Variants in EHBP1 observed in about 807,000 individuals in gnomAD.
The protein encoded by EHBP1 is EH domain binding protein 1.
EHBP1 carries 55 observed loss-of-function variants against 144.0 expected under a neutral mutation model. The observed-to-expected ratio is 0.38, with a 90% confidence interval of 0.31 to 0.48. EHBP1 has a LOEUF of 0.48. Ranked by LOEUF, EHBP1 falls within the 20% of genes least tolerant of loss-of-function variation. The pLI, the probability that EHBP1 is intolerant of heterozygous loss-of-function variation, is 0.98. For synonymous variants in EHBP1, 469 were observed against 472.7 expected (o/e 0.99, Z 0.10); for missense variants, 1,200 against 1,364.2 (o/e 0.88, Z 1.90).
Position 62,894,393 on chromosome 2 carries a change from G to GGA in EHBP1, c.1185+19877_1185+19878dup, listed in dbSNP as rs150548461. ...AGGTTAGAAATAGGAATAGGAAGAG[G>GGA]GAGAGAGAGAGAGAGAGTGAATGTG... On this transcript the variant is annotated intron_variant, in intron 10 of 22. Transcript: ENST00000431489. Among the ~76,000 whole-genome samples, 36 of 151,228 alleles carry GGA rather than the reference G, an allele frequency of 2.4e-4. No homozygotes were observed. The East Asian group carries it at 4.7e-3, about 20-fold the overall frequency.
At chr2:62,743,494 C>G (rs1319608522) in intron 2 of EHBP1, among the ~76,000 whole-genome samples, 1 of 152,086 alleles carries the variant, frequency 6.6e-6, no homozygotes, top group African/African-American at 2.4e-5. Flanking sequence ...TTTCTTTCAT[C>G]CTTGTATCTC....
intron 15 of EHBP1, among the ~76,000 whole-genome samples, chr2:62,986,587 C>T (rs893264784): frequency 9.2e-5 from 14 of 151,774 alleles, no homozygotes; most frequent in Non-Finnish European, 1.9e-4. Flanking sequence ...TACAGGCGCA[C>T]ACCACCACAC....
At chr2:62,703,795 A>C (rs2034348549), upstream of EHBP1, among the ~76,000 whole-genome samples, 1 of 152,208 alleles carries the variant, frequency 6.6e-6, no homozygotes, top group Non-Finnish European at 1.5e-5. Flanking sequence ...ATTACTTTTA[A>C]GGGAATTTCT....
At chr2:62,996,209 A>T (rs2059619782) in intron 18 of EHBP1, among the ~76,000 whole-genome samples, 1 of 152,070 alleles carries the variant, frequency 6.6e-6, no homozygotes, top group Admixed American at 6.6e-5. Flanking sequence ...CTCAGGTTGG[A>T]TACTTTCATG....
At chr2:62,726,726 A>G (rs953483327) in intron 2 of EHBP1, 18 of 152,222 alleles carry the variant, frequency 1.2e-4, no homozygotes, top group Non-Finnish European at 2.5e-4. Flanking sequence ...CGATTGAGAT[A>G]ACTCACTACC....
At chr2:62,981,327 T>C (rs530270187) in intron 15 of EHBP1, among the ~76,000 whole-genome samples, 1 of 152,290 alleles carries the variant, frequency 6.6e-6, no homozygotes, top group African/African-American at 2.4e-5. Flanking sequence ...CCTCCTTATA[T>C]CTTTGAGTCA....
At chr2:62,890,405 C>G (rs1383033486) in intron 10 of EHBP1, among the ~76,000 whole-genome samples, 3 of 152,098 alleles carry the variant, frequency 2.0e-5, no homozygotes, top group East Asian at 3.8e-4. Context: ...TGTATCATCT[C>G]TGATTTCTTT....
chr2:62,841,733 T>A (rs1481962311), intron 7 of EHBP1, among the ~76,000 whole-genome samples: 1 of 152,190 alleles, frequency 6.6e-6, no homozygotes, highest in Non-Finnish European at 1.5e-5. Context: ...TTTTGGCTTC[T>A]TTTCTTTTTT....
At chr2:62,928,953 G>A (rs1183422540) in intron 10 of EHBP1, among the ~76,000 whole-genome samples, 2 of 151,832 alleles carry the variant, frequency 1.3e-5, no homozygotes, top group African/African-American at 4.8e-5. Flanking sequence ...AAAGTACTAA[G>A]TAATTCTACA....
At chr2:62,902,812 T>C (rs1423574588) in intron 10 of EHBP1, among the ~76,000 whole-genome samples, 1 of 152,234 alleles carries the variant, frequency 6.6e-6, no homozygotes, top group Non-Finnish European at 1.5e-5. Flanking sequence ...ATAAATCACT[T>C]TACTTCATTA....
rs896576865 is a variant in EHBP1, at chr2:62,803,437, C to T, written c.313-22650C>T. Reference sequence around the variant, plus strand: ...AAATGCCTGTTTTTCACACCCTCAGCGATGCTAGCTATTACCACATTTCTT... The same window carrying T: ...AAATGCCTGTTTTTCACACCCTCAGTGATGCTAGCTATTACCACATTTCTT... On this transcript the variant is annotated intron_variant, in intron 5 of 22. Transcript: ENST00000431489. Among the ~76,000 whole-genome samples the T allele has an allele frequency of 3.3e-5, 5 of 152,254 alleles. No homozygotes were observed. The South Asian group carries it at 6.2e-4, about 19-fold the overall frequency.
rs1442188612 is a variant in EHBP1 at position 62,756,086 on chromosome 2, C to T, written c.163-8180C>T. 6.9e-4 allele frequency among the ~76,000 whole-genome samples: 103 copies of T among 148,266 alleles called. 1 individual carries two copies. Among genetic ancestry groups the T allele is most frequent in the Admixed American group, 6.5e-3 (96 of 14,736 alleles). On this transcript the variant is annotated intron_variant, in intron 3 of 22. Transcript: ENST00000431489. ...TCCAAGAGTTTGAGACCGGCATGGG[C>T]GACATGGTGAAACCCCCTCTCTACA...
Position 62,993,872 on chromosome 2 carries a change from G to C in EHBP1, c.2874G>C (p.Glu958Asp). Residue 958 changes from glutamate to aspartate, a missense_variant and splice_region_variant, in exon 18 of 23, where the codon GAG (glutamate) becomes GAC (aspartate). Physicochemically the swap from Glu to Asp is conservative, Grantham distance 45. This residue lies in a region of EHBP1 where 543 missense variants were observed against 513.1 expected (regional missense o/e 1.06). Transcript: ENST00000431489. ...SFSQYIENRP[E>D]MKRQRSIQED... ...TGTCTTTCCTCTTTTTTTTTTAAGA[G>C]ATGAAAAGGCAGAGATCAATACAGG... The C allele has an allele frequency of 6.5e-7, 1 of 1,526,730 alleles. No individual in the cohort carries two copies. Among genetic ancestry groups the C allele is most frequent in the Non-Finnish European group, 8.8e-7 (1 of 1,138,854 alleles). 94.6% of individuals were successfully genotyped at this position (1,526,730 alleles called of 1,614,324 possible). A position where few individuals can be genotyped will look rare whatever the true frequency, so the allele number is the denominator to read the frequency against.
intron 10 of EHBP1, among the ~76,000 whole-genome samples, chr2:62,923,845 C>T (rs2055285631): frequency 6.6e-6 from 1 of 152,178 alleles, no homozygotes; most frequent in African/African-American, 2.4e-5. Flanking sequence ...TCCTGTGGGC[C>T]ACACCTGGCA....
chr2:62,917,452 ACACAGATGCACATGTGTGTGCG>A, intron 10 of EHBP1, among the ~76,000 whole-genome samples: 1 of 152,276 alleles, frequency 6.6e-6, no homozygotes, highest in East Asian at 1.9e-4. Flanking sequence ...GCACGTGTGC[ACACAGATGCACATGTGTGTGCG>A]CACACACACA....
Position 62,767,200 on chromosome 2 carries a change from AG to A in EHBP1, c.258+2841del, listed in dbSNP as rs900728992. ...CTAGCGGTACTTTTAAGATACATAC[AG>A]GTATAAAAATGAAGGCAGGGCTTTA... On this transcript the variant is annotated intron_variant, in intron 4 of 22. Coordinates refer to ENST00000431489, the MANE Select transcript of EHBP1 (RefSeq NM_001142616.3). Among the ~76,000 whole-genome samples, 8 of 152,260 alleles carry A rather than the reference AG, an allele frequency of 5.3e-5. No individual in the cohort carries two copies. The East Asian group carries it at 1.2e-3, about 22-fold the overall frequency.
chr2:63,046,078 T>A lies in EHBP1; in HGVS notation c.*578T>A, dbSNP rs1472662094. On this transcript the variant is annotated 3_prime_UTR_variant, in exon 23 of 23. Coordinates refer to ENST00000431489, the MANE Select transcript of EHBP1 (RefSeq NM_001142616.3). Reference sequence around the variant, plus strand: ...CAGTGGTTGCGTTTCACTGTAAGGATAATGGAGTTCCTCTCCTCTGCTTTC... The same window carrying A: ...CAGTGGTTGCGTTTCACTGTAAGGAAAATGGAGTTCCTCTCCTCTGCTTTC... 1.3e-5 allele frequency: 2 copies of A among 153,334 alleles called. No individual in the cohort carries two copies. Among genetic ancestry groups the A allele is most frequent in the African/African-American group, 4.8e-5 (2 of 41,462 alleles). 9.5% of individuals were successfully genotyped at this position (153,334 alleles called of 1,614,324 possible).
At chr2:62,750,892 A>C (rs992180612) in intron 3 of EHBP1, among the ~76,000 whole-genome samples, 3 of 151,076 alleles carry the variant, frequency 2.0e-5, no homozygotes, top group African/African-American at 7.4e-5. Flanking sequence ...GGCTGAGACA[A>C]ATGGGGTTTT....
At chr2:62,688,898 G>A (rs2033810763) in intron 1 of EHBP1, among the ~76,000 whole-genome samples, 1 of 152,126 alleles carries the variant, frequency 6.6e-6, no homozygotes, top group Admixed American at 6.5e-5. Flanking sequence ...GAGTGATGCA[G>A]GACTACATGC....
Sources: gnomAD v4.1 joint callset for allele counts (sites outside exome capture counted in the v4.1 genomes callset) on GRCh38, gnomAD v4.1.1 for gene constraint, gnomAD v4.1.1 regional missense constraint, MANE v1.5 for transcripts, NCBI Gene and HGNC (gene_info 2026-07-23, HGNC 2026-07-21) for gene names.